KIF3C: variants seen among roughly 807,000 people sequenced by gnomAD.
KIF3C encodes the protein kinesin family member 3C, also known as kinesin-like protein KIF3C.
KIF3C carries 12 observed loss-of-function variants against 67.7 expected under a neutral mutation model. The ratio of observed to expected loss-of-function variants is 0.18; its 90% CI spans 0.11 to 0.29. The LOEUF (loss-of-function observed/expected upper bound fraction) is 0.29, where lower values mean the gene tolerates loss of function less well. Among genes scored for constraint, KIF3C ranks in the 10% least tolerant of loss-of-function variants. The probability of loss-of-function intolerance (pLI) is 1.00; values close to 1 mark genes in which losing one functional copy is unlikely to be tolerated. For missense variants in KIF3C, 789 were observed against 1,059.6 expected, an observed-to-expected ratio of 0.74 and a Z score of 3.55; for synonymous variants, 393 against 426.2, an observed-to-expected ratio of 0.92 and a Z score of 0.96.
chr2:25,932,069 T>C (rs186173682), intron 5 of KIF3C, among the ~76,000 whole-genome samples: 3 of 135,848 alleles, frequency 2.2e-5, no homozygotes, highest in East Asian at 2.4e-4. Flanking sequence ...TGGCACAACC[T>C]CGGCTCACTG....
At position 25,928,984 on chromosome 2, in the gene KIF3C, A is replaced by G. The variant is rs2090434568; in HGVS notation, c.2376T>C (p.His792=). 2 of 1,613,100 alleles carry G rather than the reference A, an allele frequency of 1.2e-6. No individual in the cohort carries two copies. Among genetic ancestry groups the G allele is most frequent in the African/African-American group, 2.7e-5 (2 of 75,014 alleles). ...CAGCCTGACGTGATGGTTGTCACTC[A>G]TGGTCCGCCACTGTTGCAGGGCGCA... ...ASLRPATVAD[H]E Residue 792 remains histidine (H), a synonymous_variant, in exon 8 of 8, where the codon CAT becomes CAC. Transcript: ENST00000264712.
At chr2:25,931,940 T>C (rs2090463012) in intron 5 of KIF3C, among the ~76,000 whole-genome samples, 1 of 151,486 alleles carries the variant, frequency 6.6e-6, no homozygotes, top group Non-Finnish European at 1.5e-5. Context: ...GGCTGTTTTT[T>C]TTTTTTTTGA....
intron 4 of KIF3C, among the ~76,000 whole-genome samples, chr2:25,953,717 C>T (rs1299992246): frequency 6.9e-6 from 1 of 144,746 alleles, no homozygotes; most frequent in Non-Finnish European, 1.5e-5. Context: ...GTCGCCCAGG[C>T]TGGATTGCAG....
intron 1 of KIF3C, among the ~76,000 whole-genome samples, chr2:25,961,581 G>A (rs1336754110): frequency 1.3e-5 from 2 of 152,214 alleles, no homozygotes; most frequent in African/African-American, 4.8e-5. Flanking sequence ...AGGAGGAGGA[G>A]TAACACTCCA....
At chr2:25,963,164 A>ATG (rs750486633) in intron 1 of KIF3C, among the ~76,000 whole-genome samples, 4,144 of 58,656 alleles carry the variant, frequency 0.071, 256 homozygotes, top group South Asian at 0.082. Flanking sequence ...GTGTGTATGT[A>ATG]TGTGTGTGTG....
chr2:25,968,081 C>T (rs986457103), intron 1 of KIF3C, among the ~76,000 whole-genome samples: 11 of 152,122 alleles, frequency 7.2e-5, no homozygotes, highest in Non-Finnish European at 1.3e-4. Flanking sequence ...CCTTTTCCAG[C>T]GCCCTGATTG....
intron 5 of KIF3C, among the ~76,000 whole-genome samples, chr2:25,948,897 C>T (rs1196420191): frequency 6.6e-6 from 1 of 152,020 alleles, no homozygotes; most frequent in Non-Finnish European, 1.5e-5. Flanking sequence ...GAATAAATTC[C>T]TCTGAAGCAA....
chr2:25,932,577 A>G (rs1337274302), intron 5 of KIF3C, among the ~76,000 whole-genome samples: 1 of 151,214 alleles, frequency 6.6e-6, no homozygotes, highest in Non-Finnish European at 1.5e-5. Context: ...TCATGCCTGT[A>G]ATCCCAGCGC....
At position 25,980,306 on chromosome 2, in the gene KIF3C, G is replaced by C; in HGVS notation, c.1545+67C>G. ...TCAGGCCAGGTCACAGACTCTCAAA[G>C]AAGAGCCTCCTTGCCGGGATCCCCT... On this transcript the variant is annotated intron_variant, in intron 1 of 7. Transcript: ENST00000264712. The surrounding 1 kb of genome is among the most constrained non-coding windows in gnomAD (Gnocchi z 7.6). 7.5e-7 allele frequency: 1 copy of C among 1,328,796 alleles called. No individual in the cohort carries two copies. The highest frequency in any genetic ancestry group is 1.0e-6 in the Non-Finnish European group (1 of 958,002). 82.3% of individuals were successfully genotyped at this position (1,328,796 alleles called of 1,614,324 possible).
intron 5 of KIF3C, among the ~76,000 whole-genome samples, chr2:25,948,640 A>AAGAGAAAG (rs1210256580): frequency 1.4e-5 from 2 of 138,122 alleles, no homozygotes; most frequent in Non-Finnish European, 3.1e-5. Flanking sequence ...GAGAGAGAGA[A>AAGAGAAAG]AGAGAAAGAG....
At chr2:25,945,969 C>T (rs972492427) in intron 5 of KIF3C, among the ~76,000 whole-genome samples, 4 of 151,472 alleles carry the variant, frequency 2.6e-5, no homozygotes, top group Admixed American at 1.3e-4. Flanking sequence ...ACAAATTAGC[C>T]GGGCATGGTG....
intron 1 of KIF3C, among the ~76,000 whole-genome samples, chr2:25,960,525 G>A (rs1428505673): frequency 6.6e-6 from 1 of 152,066 alleles, no homozygotes; most frequent in Non-Finnish European, 1.5e-5. Flanking sequence ...GCTCCCTTAG[G>A]ACAGCAATCA....
chr2:25,957,595 A>G (rs1309403254), intron 1 of KIF3C, among the ~76,000 whole-genome samples: 1 of 152,158 alleles, frequency 6.6e-6, no homozygotes. Flanking sequence ...TCTCCACTGG[A>G]ATTTTTCCCA....
At position 25,928,908 on chromosome 2, in the gene KIF3C, G is replaced by C; in HGVS notation, c.*70C>G. On this transcript the variant is annotated 3_prime_UTR_variant, in exon 8 of 8. Transcript: ENST00000264712. ...GCACACGCACACGCACCAAGCGGCAGATGAGATGAGCCAGGGTTGGCTGCC... is the reference window on the plus strand; with the variant it reads ...GCACACGCACACGCACCAAGCGGCACATGAGATGAGCCAGGGTTGGCTGCC... 1.5e-6 allele frequency: 2 copies of C among 1,326,822 alleles called. No homozygotes were observed. The highest frequency in any genetic ancestry group is 2.5e-5 in the South Asian group (2 of 80,898). 82.2% of individuals were successfully genotyped at this position (1,326,822 alleles called of 1,614,324 possible). A position where few individuals can be genotyped will look rare whatever the true frequency, so the allele number is the denominator to read the frequency against.
chr2:25,935,037 A>C (rs1339011576), intron 5 of KIF3C, among the ~76,000 whole-genome samples: 1 of 152,144 alleles, frequency 6.6e-6, no homozygotes, highest in African/African-American at 2.4e-5. Flanking sequence ...TGAGGTCAGG[A>C]GTTCGAGACC....
intron 5 of KIF3C, among the ~76,000 whole-genome samples, chr2:25,938,545 G>C (rs1663200015): frequency 6.6e-6 from 1 of 152,166 alleles, no homozygotes; most frequent in Non-Finnish European, 1.5e-5. Context: ...ACAGGGCTGG[G>C]TGAGCAGAGG....
chr2:25,969,867 C>T (rs1449856278), intron 1 of KIF3C, among the ~76,000 whole-genome samples: 2 of 152,172 alleles, frequency 1.3e-5, no homozygotes, highest in Non-Finnish European at 2.9e-5. Flanking sequence ...AGGCACACGC[C>T]ACCATGCCCA....
Position 25,981,062 on chromosome 2 carries a change from T to A in KIF3C, c.856A>T (p.Arg286Trp). 6.2e-7 allele frequency: 1 copy of A among 1,614,084 alleles called. No individual in the cohort carries two copies. Among genetic ancestry groups the A allele is most frequent in the Non-Finnish European group, 8.5e-7 (1 of 1,179,986 alleles). ...TTGATTTTGGAGGCTTCCTTAGGCC[T>A]CTCTCCACCAGCACCACCACCACTG... ...GGSGGGAGGE[R>W]PKEASKINLS... The change falls in exon 1 of 8, where the codon AGG becomes TGG. Residue 286 changes from arginine to tryptophan, a missense_variant. Physicochemically the swap from Arg to Trp is moderately radical, Grantham distance 101. Coordinates refer to ENST00000264712, the MANE Select transcript of KIF3C (RefSeq NM_002254.8). The surrounding 1 kb of genome is among the most constrained non-coding windows in gnomAD (Gnocchi z 8.2).
At chr2:25,947,494 T>C (rs1254499266) in intron 5 of KIF3C, among the ~76,000 whole-genome samples, 2 of 151,316 alleles carry the variant, frequency 1.3e-5, no homozygotes, top group Non-Finnish European at 2.9e-5. Flanking sequence ...GGCAGGAGAA[T>C]GGCGTGAACC....
Sources: allele counts gnomAD v4.1 joint callset (sites outside exome capture counted in the v4.1 genomes callset), GRCh38; gene constraint gnomAD v4.1.1; non-coding constraint Gnocchi (gnomAD v3.1); transcripts MANE v1.5; gene names NCBI Gene and HGNC (gene_info 2026-07-23, HGNC 2026-07-21).